The following GCNA variants were observed in gnomAD, a reference collection of about 807,000 sequenced individuals.
GCNA encodes germ cell nuclear acidic protein.
A neutral mutation model predicts 38.8 loss-of-function variants in GCNA; 3 were observed. The ratio of observed to expected loss-of-function variants is 0.08; its 90% CI spans 0.04 to 0.20. The LOEUF is 0.20. GCNA is among the 10% of genes least tolerant of loss of function. GCNA has a pLI of 1.00. For synonymous variants in GCNA, 195 were observed against 240.2 expected (o/e 0.81, Z 1.74); for missense variants, 446 against 578.6 (o/e 0.77, Z 2.35).
Position 71,604,388 on chromosome X carries a change from G to T in GCNA, c.1111G>T (p.Gly371Cys). Reference sequence around the variant, plus strand: ...CCAGCATGATTCATCTGATGATGCTGGTGAGCAGGATCTTGGTGAGAATCT... The same window carrying T: ...CCAGCATGATTCATCTGATGATGCTTGTGAGCAGGATCTTGGTGAGAATCT... ...VSQHDSSDDA[G>C]EQDLGENLSK... The change falls in exon 8 of 13, where the codon GGT (glycine) becomes TGT (cysteine). Residue 371 changes from glycine to cysteine, a missense_variant. By Grantham distance (159) the Gly-to-Cys change is radical (BLOSUM62 -3). Coordinates refer to ENST00000373696, the MANE Select transcript of GCNA (RefSeq NM_052957.5). The T allele has an allele frequency of 8.3e-7, 1 of 1,211,722 alleles. No individual in the cohort carries two copies.
At chrX:71,599,021 TG>T (rs757389341) in intron 7 of GCNA, among the ~76,000 whole-genome samples, 11 of 108,444 alleles carry the variant, frequency 1.0e-4, no homozygotes, top group Non-Finnish European at 1.7e-4. Context: ...TTTTTGTTGT[TG>T]TTTTTTTTTT....
intron 2 of GCNA, among the ~76,000 whole-genome samples, chrX:71,589,406 C>A (rs753220700): frequency 3.2e-4 from 34 of 104,658 alleles, no homozygotes; most frequent in Non-Finnish European, 5.9e-4. Flanking sequence ...TCCCCTACCC[C>A]CTGCATAGCT....
Position 71,594,845 on chromosome X carries a change from C to A in GCNA, c.221+66C>A. 3.2e-6 allele frequency: 3 copies of A among 931,827 alleles called. No individual in the cohort carries two copies. The South Asian group carries it at 6.8e-5, about 21-fold the overall frequency. 76.8% of individuals were successfully genotyped at this position (931,827 alleles called of 1,213,427 possible). On this transcript the variant is annotated intron_variant, in intron 6 of 12. Coordinates refer to ENST00000373696, the MANE Select transcript of GCNA (RefSeq NM_052957.5). The stretch of plus-strand genomic sequence containing the variant: ...TTTTAAATTAAGGGGGGAAAAACCC[C>A]ATGCTCTGTCTAAGGAAATTTAAGA...
chrX:71,595,229 G>T (rs1479092086), intron 6 of GCNA, among the ~76,000 whole-genome samples: 1 of 111,729 alleles, frequency 9.0e-6, no homozygotes, highest in East Asian at 2.8e-4. Flanking sequence ...TCAAGTAGCT[G>T]AGATTACTGG....
chrX:71,582,305 T>A (rs1458041422), intron 2 of GCNA, among the ~76,000 whole-genome samples: 2 of 109,343 alleles, frequency 1.8e-5, no homozygotes, highest in Non-Finnish European at 3.8e-5. Flanking sequence ...TTTAATTATA[T>A]TGCTTCTCAT....
At chrX:71,605,586 G>GT in intron 8 of GCNA, 77 bp from the exon 9 acceptor site, 1 of 908,426 alleles carries the variant, frequency 1.1e-6, no homozygotes, top group Non-Finnish European at 1.5e-6. Context: ...CTCCTTTTGG[G>GT]TTTACCTTTC....
chrX:71,596,355 T>C (rs1202001093), intron 6 of GCNA, among the ~76,000 whole-genome samples: 1 of 112,408 alleles, frequency 8.9e-6, no homozygotes, highest in Non-Finnish European at 1.9e-5. Flanking sequence ...GATTTATATA[T>C]GGTAAAATTC....
chrX:71,593,313 A>G (rs971578752), intron 4 of GCNA, among the ~76,000 whole-genome samples: 4 of 111,788 alleles, frequency 3.6e-5, no homozygotes, highest in Non-Finnish European at 3.8e-5. Flanking sequence ...AAGATGACCT[A>G]TGATGTAGCC....
At chrX:71,579,582 T>C (rs1351727750) in intron 1 of GCNA, among the ~76,000 whole-genome samples, 1 of 50,750 alleles carries the variant, frequency 2.0e-5, no homozygotes, top group East Asian at 6.7e-4. Context: ...CGTTGCAGCA[T>C]TGGGGGGAGG....
At chrX:71,590,708 G>A (rs1043340516) in intron 2 of GCNA, among the ~76,000 whole-genome samples, 4 of 109,762 alleles carry the variant, frequency 3.6e-5, no homozygotes, top group African/African-American at 1.3e-4. Context: ...TTTTGATGGG[G>A]TCTCGCTCTG....
At chrX:71,585,948 C>T (rs12353563) in intron 2 of GCNA, among the ~76,000 whole-genome samples, 2 of 108,550 alleles carry the variant, frequency 1.8e-5, no homozygotes, top group East Asian at 2.8e-4. Flanking sequence ...TATGGAACAA[C>T]GTGAAACAAA....
At position 71,613,128 on chromosome X, in the gene GCNA, A is replaced by G. The variant is rs768445344; in HGVS notation, c.*146A>G. ...GGTTATCTTAGAGTATATTAATGTG[A>G]GCTATATCCTTTACTGGTAAGAAGT... On this transcript the variant is annotated 3_prime_UTR_variant, in exon 13 of 13. Coordinates refer to ENST00000373696, the MANE Select transcript of GCNA (RefSeq NM_052957.5). 1.0e-4 allele frequency: 82 copies of G among 785,321 alleles called. No homozygotes were observed. The African/African-American group carries it at 1.6e-3, about 15-fold the overall frequency. 64.7% of individuals were successfully genotyped at this position (785,321 alleles called of 1,213,427 possible).
Position 71,612,335 on chromosome X carries a change from C to A in GCNA, c.1751-20C>A. On this transcript the variant is annotated intron_variant, in intron 11 of 12. Transcript: ENST00000373696. ...AGGATTGGTTTTAGTGCTCACATTT[C>A]TTTTCATTCTTCTTTCAAGACCGAA... 6 of 535,058 alleles carry A rather than the reference C, an allele frequency of 1.1e-5. No individual in the cohort carries two copies. Among genetic ancestry groups the A allele is most frequent in the Non-Finnish European group, 1.8e-5 (6 of 341,682 alleles). 44.1% of individuals were successfully genotyped at this position (535,058 alleles called of 1,213,427 possible).
chrX:71,580,720 C>G, intron 1 of GCNA, 100 bp from the exon 2 acceptor site: 1 of 738,013 alleles, frequency 1.4e-6, no homozygotes, highest in Non-Finnish European at 2.0e-6. Flanking sequence ...GTGATCTGCC[C>G]GCCTCGGCCT....
intron 2 of GCNA, among the ~76,000 whole-genome samples, chrX:71,582,198 G>A (rs1178007676): frequency 2.9e-5 from 3 of 105,122 alleles, no homozygotes; most frequent in Admixed American, 1.0e-4. Context: ...ACCTGAGCCC[G>A]GGAAGTCGAG....
intron 11 of GCNA, 43 bp from the exon 12 acceptor site, chrX:71,612,310 AGG>A (rs1602187256): frequency 1.8e-4 from 80 of 444,607 alleles, no homozygotes; most frequent in Admixed American, 5.4e-4. Flanking sequence ...AAAAAAAAAG[AGG>A]ATTGGTTTTA....
chrX:71,601,129 A>T (rs775350110), intron 7 of GCNA, among the ~76,000 whole-genome samples: 43 of 111,667 alleles, frequency 3.9e-4, no homozygotes, highest in African/African-American at 1.3e-3. Flanking sequence ...GCGGATCACG[A>T]GGTCAAGAGA....
intron 7 of GCNA, among the ~76,000 whole-genome samples, chrX:71,603,125 CCA>C (rs2040729811): frequency 1.8e-5 from 2 of 111,694 alleles, no homozygotes; most frequent in South Asian, 7.5e-4. Context: ...CTATTCTATT[CCA>C]TTGGCCTATG....
chrX:71,609,175 C>T, intron 10 of GCNA, 58 bp downstream of exon 10: 1 of 1,098,474 alleles, frequency 9.1e-7, no homozygotes, highest in Non-Finnish European at 1.2e-6. Flanking sequence ...ACTCTTGGTG[C>T]TGTGAGGTGT....
Sources: gnomAD v4.1 joint callset for allele counts (sites outside exome capture counted in the v4.1 genomes callset) on GRCh38, gnomAD v4.1.1 for gene constraint, MANE v1.5 for transcripts, NCBI Gene and HGNC (gene_info 2026-07-23, HGNC 2026-07-21) for gene names.